Variants in RAP1GDS1 observed in about 807,000 individuals in gnomAD.
RAP1GDS1 encodes the protein Rap1 GTPase-GDP dissociation stimulator 1.
In RAP1GDS1, 35 loss-of-function variants were observed where a neutral mutation model predicts 71.1. The observed-to-expected ratio is 0.49, with a 90% CI of 0.38 to 0.65. RAP1GDS1 has a LOEUF of 0.65. Ranked by LOEUF, RAP1GDS1 falls within the 30% of genes least tolerant of loss-of-function variation. The pLI, the probability that RAP1GDS1 is intolerant of heterozygous loss-of-function variation, is 0.00. For synonymous variants in RAP1GDS1, 229 were observed against 243.1 expected (o/e 0.94, Z 0.54); for missense variants, 663 against 706.1 (o/e 0.94, Z 0.69).
intron 7 of RAP1GDS1, among the ~76,000 whole-genome samples, chr4:98,406,933 T>C (rs73834479): frequency 0.042 from 6,371 of 152,128 alleles, 311 homozygotes; most frequent in African/African-American, 0.12. Flanking sequence ...TTTCTAGTAG[T>C]GAAAATGAAA....
chr4:98,349,352 C>T (rs560427393), intron 3 of RAP1GDS1, among the ~76,000 whole-genome samples: 107 of 152,268 alleles, frequency 7.0e-4, no homozygotes, highest in South Asian at 1.5e-3. Flanking sequence ...CAGTACCATG[C>T]TGTTTTGGTT....
rs933725977 is a variant in RAP1GDS1 at position 98,443,075 on chromosome 4, T to TTATC, written c.*960_*963dup. The TTATC allele has an allele frequency of 6.2e-5, 14 of 227,530 alleles. No homozygotes were observed. The highest frequency in any genetic ancestry group is 1.1e-4 in the Non-Finnish European group (13 of 115,996). 14.1% of individuals were successfully genotyped at this position (227,530 alleles called of 1,614,324 possible). A position where few individuals can be genotyped will look rare whatever the true frequency, so the allele number is the denominator to read the frequency against. ...TCATTCAGCTAGAAAGTGAGAAGTT[T>TTATC]TATCTTCCATAGTCCTTTTAAATCT... is the stretch of plus-strand genomic sequence containing the variant. On this transcript the variant is annotated 3_prime_UTR_variant, in exon 15 of 15. Transcript: ENST00000408927.
Position 98,373,371 on chromosome 4 carries a change from TTCCCTCTCTCTCCCTCCCTCCCTC to T in RAP1GDS1, c.362-5620_362-5597del, listed in dbSNP as rs550710365. 2.3e-4 allele frequency among the ~76,000 whole-genome samples: 35 copies of T among 151,774 alleles called. No homozygotes were observed. The East Asian group carries it at 5.2e-3, about 23-fold the overall frequency. On this transcript the variant is annotated intron_variant, in intron 4 of 14. Coordinates refer to ENST00000408927, the MANE Select transcript of RAP1GDS1 (RefSeq NM_001100427.2). The stretch of plus-strand genomic sequence containing the variant: ...GCTGCCTTTAAGAGATTCTCTCTCT[TTCCCTCTCTCTCCCTCCCTCCCTC>T]TCCCTCTCTCTCCCTCCCTCCCTCT...
intron 6 of RAP1GDS1, among the ~76,000 whole-genome samples, chr4:98,399,355 C>T (rs1172215204): frequency 2.0e-5 from 3 of 152,174 alleles, no homozygotes; most frequent in African/African-American, 7.2e-5. Flanking sequence ...GGAACTCAAA[C>T]ATCTCAACAG....
intron 2 of RAP1GDS1, among the ~76,000 whole-genome samples, chr4:98,322,405 C>G (rs1367778026): frequency 6.0e-5 from 7 of 116,676 alleles, no homozygotes; most frequent in Non-Finnish European, 1.0e-4. Context: ...GAACTCAGCT[C>G]TGCACCAAGC....
At chr4:98,342,635 T>C (rs1054832374) in intron 2 of RAP1GDS1, among the ~76,000 whole-genome samples, 51 of 152,258 alleles carry the variant, frequency 3.3e-4, no homozygotes, top group Middle Eastern at 3.4e-3. Flanking sequence ...ATGAAAAACA[T>C]AGGAGTCATA....
At chr4:98,392,714 A>G (rs1743900330) in intron 6 of RAP1GDS1, among the ~76,000 whole-genome samples, 1 of 152,162 alleles carries the variant, frequency 6.6e-6, no homozygotes, top group South Asian at 2.1e-4. Flanking sequence ...AAAAAAAAAG[A>G]AATTTATTAC....
chr4:98,324,923 G>T (rs1225718371), intron 2 of RAP1GDS1, among the ~76,000 whole-genome samples: 1 of 151,996 alleles, frequency 6.6e-6, no homozygotes, highest in African/African-American at 2.4e-5. Flanking sequence ...TGACAAATGG[G>T]ATCTCATAAA....
intron 2 of RAP1GDS1, among the ~76,000 whole-genome samples, chr4:98,337,748 G>A (rs1228595506): frequency 6.6e-6 from 1 of 152,150 alleles, no homozygotes; most frequent in African/African-American, 2.4e-5. Context: ...GGTGAGGGGG[G>A]TGGCATTTCA....
Position 98,363,674 on chromosome 4 carries a change from AGTT to A in RAP1GDS1, c.361+11078_361+11080del, listed in dbSNP as rs371288155. On this transcript the variant is annotated intron_variant, in intron 4 of 14. Transcript: ENST00000408927. ...CATGAATCATCTTGAAGTAGTGAGAAGTTGTTGAAGGCAAGAAGTGACATGATC... is the reference window on the plus strand; with the variant it reads ...CATGAATCATCTTGAAGTAGTGAGAAGTTGAAGGCAAGAAGTGACATGATC... Among the ~76,000 whole-genome samples, 579 of 152,160 alleles carry A rather than the reference AGTT, an allele frequency of 3.8e-3. 5 individuals carry two copies. Among genetic ancestry groups the A allele is most frequent in the African/African-American group, 0.013 (554 of 41,520 alleles).
At position 98,352,604 on chromosome 4, in the gene RAP1GDS1, A is replaced by G. The variant is rs1179903628; in HGVS notation, c.361+3A>G. On this transcript the variant is annotated splice_donor_region_variant and intron_variant, in intron 4 of 14. Coordinates refer to ENST00000408927, the MANE Select transcript of RAP1GDS1 (RefSeq NM_001100427.2). ...AGGAAACATATGTTACGATAGCCGT[A>G]AGTGTTGACATCTCAATAATACACA... 1 of 1,613,224 alleles carries G rather than the reference A, an allele frequency of 6.2e-7. No individual in the cohort carries two copies. Among genetic ancestry groups the G allele is most frequent in the Admixed American group, 1.7e-5 (1 of 59,832 alleles).
chr4:98,315,278 T>C (rs1047959799), intron 2 of RAP1GDS1, among the ~76,000 whole-genome samples: 2 of 152,168 alleles, frequency 1.3e-5, no homozygotes, highest in Non-Finnish European at 2.9e-5. Flanking sequence ...CAGTTAGCTC[T>C]CTGAGGATAT....
chr4:98,319,897 C>T (rs997326572), intron 2 of RAP1GDS1, among the ~76,000 whole-genome samples: 4 of 152,062 alleles, frequency 2.6e-5, no homozygotes, highest in African/African-American at 9.7e-5. Flanking sequence ...TCCGTCTTCT[C>T]CACCTCTTCC....
intron 2 of RAP1GDS1, among the ~76,000 whole-genome samples, chr4:98,299,759 C>T (rs542061912): frequency 2.9e-4 from 44 of 151,852 alleles, no homozygotes; most frequent in Middle Eastern, 3.4e-3. Flanking sequence ...TTCAGCCTCC[C>T]GAGCAGCTGG....
At chr4:98,368,634 A>T (rs1372806512) in intron 4 of RAP1GDS1, among the ~76,000 whole-genome samples, 1 of 152,180 alleles carries the variant, frequency 6.6e-6, no homozygotes, top group Non-Finnish European at 1.5e-5. Flanking sequence ...ATATTTAACA[A>T]TCCTTATTTC....
chr4:98,415,224 G>C (rs185256528), intron 7 of RAP1GDS1, among the ~76,000 whole-genome samples: 1 of 152,104 alleles, frequency 6.6e-6, no homozygotes, highest in Admixed American at 6.5e-5. Flanking sequence ...GTCTTCTCTT[G>C]TTCTGTAAAA....
chr4:98,286,886 TAAAAAAA>T (rs778410316), intron 1 of RAP1GDS1, among the ~76,000 whole-genome samples: 16 of 90,148 alleles, frequency 1.8e-4, no homozygotes, highest in African/African-American at 5.6e-4. Flanking sequence ...AACTCCGTCT[TAAAAAAA>T]AAAAAAAAAA....
chr4:98,374,140 G>A (rs1239006398), intron 4 of RAP1GDS1, among the ~76,000 whole-genome samples: 1 of 152,110 alleles, frequency 6.6e-6, no homozygotes, highest in East Asian at 1.9e-4. Flanking sequence ...TGTACACTTA[G>A]GTTAGACCAT....
intron 14 of RAP1GDS1, chr4:98,441,208 A>AT: frequency 2.3e-6 from 1 of 436,606 alleles, no homozygotes; most frequent in Non-Finnish European, 3.0e-6. Context: ...TCATATCAAA[A>AT]TAAACACATC....
Sources: gnomAD v4.1 joint callset for allele counts (sites outside exome capture counted in the v4.1 genomes callset) on GRCh38, gnomAD v4.1.1 for gene constraint, MANE v1.5 for transcripts, NCBI Gene and HGNC (gene_info 2026-07-23, HGNC 2026-07-21) for gene names.